Variants in CEP78 observed in about 807,000 individuals in gnomAD.
CEP78 encodes the protein centrosomal protein of 78 kDa.
Under a neutral mutation model 81.2 loss-of-function variants are expected in CEP78, and 76 were observed. That is an observed-to-expected ratio of 0.94 (90% confidence interval 0.78 to 1.13). The LOEUF (loss-of-function observed/expected upper bound fraction) is 1.13, where lower values mean the gene tolerates loss of function less well. Ranked by LOEUF, CEP78 falls within the 50% of genes most tolerant of loss-of-function variation. The probability of loss-of-function intolerance (pLI) is 0.00; values close to 1 mark genes in which losing one functional copy is unlikely to be tolerated. For synonymous variants in CEP78, 293 were observed against 301.4 expected, an observed-to-expected ratio of 0.97 and a Z score of 0.29; for missense variants, 918 against 846.8, an observed-to-expected ratio of 1.08 and a Z score of -1.04.
intron 16 of CEP78, among the ~76,000 whole-genome samples, chr9:78,268,764 G>A (rs1587613619): frequency 1.4e-5 from 2 of 147,844 alleles, no homozygotes; most frequent in African/African-American, 5.0e-5. Context: ...CTCACTGCAA[G>A]CTCCGCCTCA....
In CEP78 at chr9:78,254,977, C is replaced by A; in HGVS notation, c.1380+13C>A. ...AGAAGCATTACAGGTACAAAGCTAT[C>A]ACTTTAAAGATATGGAGAAGATCAT... On this transcript the variant is annotated intron_variant, in intron 11 of 16. Coordinates refer to ENST00000643273, the MANE Select transcript of CEP78 (RefSeq NM_001330691.3). 1 of 1,599,932 alleles carries A rather than the reference C, an allele frequency of 6.3e-7. No individual in the cohort carries two copies.
chr9:78,237,615 T>A (rs1826016980), intron 1 of CEP78, among the ~76,000 whole-genome samples: 1 of 152,054 alleles, frequency 6.6e-6, no homozygotes, highest in African/African-American at 2.4e-5. Context: ...CTGGAAACCT[T>A]GTGGGGGCCA....
At chr9:78,259,806 A>C (rs1482347253) in intron 11 of CEP78, among the ~76,000 whole-genome samples, 1 of 152,210 alleles carries the variant, frequency 6.6e-6, no homozygotes, top group Non-Finnish European at 1.5e-5. Flanking sequence ...CTGAATTTCC[A>C]AAAAATAACC....
intron 5 of CEP78, among the ~76,000 whole-genome samples, chr9:78,245,381 C>T (rs766816698): frequency 1.3e-5 from 2 of 151,986 alleles, no homozygotes; most frequent in East Asian, 1.9e-4. Flanking sequence ...TAAATGGTGG[C>T]GAGAGAGAAC....
At chr9:78,262,154 T>C (rs180716221) in intron 11 of CEP78, among the ~76,000 whole-genome samples, 5 of 152,108 alleles carry the variant, frequency 3.3e-5, no homozygotes, top group African/African-American at 9.6e-5. Flanking sequence ...AAGACCCATA[T>C]CATTGTTTTT....
In CEP78 at chr9:78,265,908, T is replaced by A; in HGVS notation, c.1845+2T>A. On this transcript the variant is annotated splice_donor_variant, in intron 15 of 16. Transcript: ENST00000643273. LOFTEE classifies it high-confidence loss of function. The stretch of plus-strand genomic sequence containing the variant: ...TACAATGAAGGAACACTAATGAAGG[T>A]ACAAGTACTGATATAGATAATTTTT... The A allele has an allele frequency of 7.5e-7, 1 of 1,331,590 alleles. No individual in the cohort carries two copies. The highest frequency in any genetic ancestry group is 1.1e-6 in the Non-Finnish European group (1 of 946,130). 82.5% of individuals were successfully genotyped at this position (1,331,590 alleles called of 1,614,324 possible). A position where few individuals can be genotyped will look rare whatever the true frequency, so the allele number is the denominator to read the frequency against.
At chr9:78,269,990 TG>T (rs1199457253) in intron 16 of CEP78, among the ~76,000 whole-genome samples, 1 of 152,204 alleles carries the variant, frequency 6.6e-6, no homozygotes, top group Non-Finnish European at 1.5e-5. Context: ...TTGATGAACT[TG>T]AGATGACTCC....
intron 16 of CEP78, among the ~76,000 whole-genome samples, chr9:78,270,567 G>A (rs1827669220): frequency 6.6e-6 from 1 of 152,152 alleles, no homozygotes; most frequent in South Asian, 2.1e-4. Flanking sequence ...ATGTGATACT[G>A]TAGCAAAGAG....
At chr9:78,258,722 C>CA (rs1160815916) in intron 11 of CEP78, among the ~76,000 whole-genome samples, 1 of 151,990 alleles carries the variant, frequency 6.6e-6, no homozygotes, top group Non-Finnish European at 1.5e-5. Context: ...ACCTCACACA[C>CA]AAAAAAATCC....
chr9:78,241,357 G>C (rs1401751685), intron 3 of CEP78, among the ~76,000 whole-genome samples: 3 of 152,086 alleles, frequency 2.0e-5, no homozygotes, highest in Admixed American at 2.0e-4. Context: ...GTCTGCTCTT[G>C]GAAATGAAAA....
chr9:78,238,757 A>G (rs1826080588), intron 1 of CEP78, among the ~76,000 whole-genome samples: 1 of 152,144 alleles, frequency 6.6e-6, no homozygotes, highest in South Asian at 2.1e-4. Context: ...GTTAACCAAA[A>G]TAATATCAGG....
intron 5 of CEP78, among the ~76,000 whole-genome samples, chr9:78,245,448 G>A (rs1351507686): frequency 6.6e-6 from 1 of 152,004 alleles, no homozygotes; most frequent in Non-Finnish European, 1.5e-5. Context: ...CCACTCTCAA[G>A]ACCTCAACTA....
Position 78,265,352 on chromosome 9 carries a change from C to T in CEP78, c.1626-20C>T. On this transcript the variant is annotated intron_variant, in intron 13 of 16. Transcript: ENST00000643273. The stretch of plus-strand genomic sequence containing the variant: ...CTTCTAGTAATCCTTGCCTTTTCCT[C>T]CTTTTCTTCTCTCGACCAGGCTTGG... The T allele has an allele frequency of 1.3e-6, 2 of 1,559,956 alleles. No homozygotes were observed. Among genetic ancestry groups the T allele is most frequent in the Non-Finnish European group, 1.7e-6 (2 of 1,157,930 alleles).
chr9:78,275,232 T>C lies in CEP78; in HGVS notation c.*4381T>C, dbSNP rs1260452201. On this transcript the variant is annotated 3_prime_UTR_variant, in exon 17 of 17. Coordinates refer to ENST00000643273, the MANE Select transcript of CEP78 (RefSeq NM_001330691.3). ...AATGTGACTGTTTAAAAATATGGATTGTAAAAATTGATAAAAAATAGAAAA... is the reference window on the plus strand; with the variant it reads ...AATGTGACTGTTTAAAAATATGGATCGTAAAAATTGATAAAAAATAGAAAA... 1 of 152,118 alleles carries C rather than the reference T, an allele frequency of 6.6e-6. No homozygotes were observed. Among genetic ancestry groups the C allele is most frequent in the East Asian group, 1.9e-4 (1 of 5,196 alleles). The allele number at this position is 152,118 out of a possible 1,614,324, so 9.4% of individuals were successfully genotyped here. A position where few individuals can be genotyped will look rare whatever the true frequency, so the allele number is the denominator to read the frequency against.
In CEP78 at chr9:78,265,878, C is replaced by A; in HGVS notation, c.1817C>A (p.Ser606Ter). 1.4e-6 allele frequency: 2 copies of A among 1,403,144 alleles called. No individual in the cohort carries two copies. Among genetic ancestry groups the A allele is most frequent in the South Asian group, 2.5e-5 (2 of 80,904 alleles). 86.9% of individuals were successfully genotyped at this position (1,403,144 alleles called of 1,614,324 possible). Residue 606 changes from serine (S) to a stop codon, truncating the protein, a stop_gained, in exon 15 of 17, where the codon TCA becomes TAA. Coordinates refer to ENST00000643273, the MANE Select transcript of CEP78 (RefSeq NM_001330691.3). LOFTEE classifies it high-confidence loss of function. ...ATCTAGGTTTCTATTTGTATGCAGT[C>A]AGCTTACAATGAAGGAACACTAATG... The part of the protein sequence containing the change: ...QNIQVSICMQ[S>*]AYNEGTLMKF...
rs763476730 is a variant in CEP78, at chr9:78,253,222, A to G, written c.1206-10A>G. 1.6e-6 allele frequency: 2 copies of G among 1,212,160 alleles called. No individual in the cohort carries two copies. The highest frequency in any genetic ancestry group is 2.6e-5 in the South Asian group (2 of 77,918). 75.1% of individuals were successfully genotyped at this position (1,212,160 alleles called of 1,614,324 possible). A position where few individuals can be genotyped will look rare whatever the true frequency, so the allele number is the denominator to read the frequency against. On this transcript the variant is annotated splice_polypyrimidine_tract_variant and intron_variant, in intron 9 of 16. Transcript: ENST00000643273. ...TCAAAATATAACTTAATTTATCGAT[A>G]TCTTTTTAGGGGTTTCCCATTAATC...
intron 11 of CEP78, among the ~76,000 whole-genome samples, chr9:78,256,186 C>T (rs1463978013): frequency 6.6e-6 from 1 of 152,258 alleles, no homozygotes; most frequent in African/African-American, 2.4e-5. Flanking sequence ...ACAGGGGAAG[C>T]CTACAGCTCA....
At position 78,271,489 on chromosome 9, in the gene CEP78, G is replaced by A. The variant is rs995811200; in HGVS notation, c.*638G>A. ...GGATGCCATGAAAAAAATATTTAGAGTTTCTGGAAATTAAAAATTTGATTA... is the reference window on the plus strand; with the variant it reads ...GGATGCCATGAAAAAAATATTTAGAATTTCTGGAAATTAAAAATTTGATTA... On this transcript the variant is annotated 3_prime_UTR_variant, in exon 17 of 17. Coordinates refer to ENST00000643273, the MANE Select transcript of CEP78 (RefSeq NM_001330691.3). The A allele has an allele frequency of 5.9e-5, 9 of 152,100 alleles. No individual in the cohort carries two copies. Among genetic ancestry groups the A allele is most frequent in the African/African-American group, 2.2e-4 (9 of 41,394 alleles). 9.4% of individuals were successfully genotyped at this position (152,100 alleles called of 1,614,324 possible).
intron 1 of CEP78, among the ~76,000 whole-genome samples, chr9:78,237,955 C>CAAAAAAAAAAA (rs557546978): frequency 5.5e-4 from 58 of 105,064 alleles, no homozygotes; most frequent in African/African-American, 9.6e-4. Flanking sequence ...ACTAAAAATA[C>CAAAAAAAAAAA]AAAAAAAAAA....
Sources: allele counts gnomAD v4.1 joint callset (sites outside exome capture counted in the v4.1 genomes callset), GRCh38; gene constraint gnomAD v4.1.1; transcripts MANE v1.5; gene names NCBI Gene and HGNC (gene_info 2026-07-23, HGNC 2026-07-21).